TSHZ2: variants seen among roughly 807,000 people sequenced by gnomAD.
TSHZ2 encodes the protein teashirt homolog 2.
Under a neutral mutation model 74.4 loss-of-function variants are expected in TSHZ2, and 21 were observed. The observed-to-expected ratio is 0.28, with a 90% CI of 0.20 to 0.41. The LOEUF is 0.41. Ranked by LOEUF, TSHZ2 falls within the 10% of genes least tolerant of loss-of-function variation. The pLI is 1.00. For missense variants in TSHZ2, 1,244 were observed against 1,293.5 expected (o/e 0.96, Z 0.59); for synonymous variants, 540 against 515.3 (o/e 1.05, Z -0.65).
chr20:53,415,145 C>G (rs936946816), intron 2 of TSHZ2, among the ~76,000 whole-genome samples: 1 of 152,174 alleles, frequency 6.6e-6, no homozygotes, highest in Non-Finnish European at 1.5e-5. Flanking sequence ...TATCTTTCCC[C>G]TCTCTCTTTC....
intron 2 of TSHZ2, among the ~76,000 whole-genome samples, chr20:53,484,032 A>G (rs1451916156): frequency 2.0e-5 from 3 of 152,218 alleles, no homozygotes; most frequent in Middle Eastern, 3.2e-3. Flanking sequence ...GTGTAATGCC[A>G]TTGCAGTTTC....
intron 1 of TSHZ2, among the ~76,000 whole-genome samples, chr20:53,001,698 C>A (rs2122964293): frequency 6.6e-6 from 1 of 152,288 alleles, no homozygotes; most frequent in African/African-American, 2.4e-5. Flanking sequence ...TCTTCTGTTT[C>A]ATTTTGAAAG....
intron 1 of TSHZ2, among the ~76,000 whole-genome samples, chr20:53,108,041 T>TC (rs1986429615): frequency 6.6e-6 from 1 of 152,212 alleles, no homozygotes; most frequent in Admixed American, 6.5e-5. Flanking sequence ...TAATCTCTCT[T>TC]CCCCATGGGG....
At chr20:53,461,526 G>C (rs576152600) in intron 2 of TSHZ2, 1 of 153,684 alleles carries the variant, frequency 6.5e-6, no homozygotes, top group African/African-American at 2.4e-5. Flanking sequence ...GGGAGCTGTA[G>C]ACCGGAGCTG....
intron 2 of TSHZ2, among the ~76,000 whole-genome samples, chr20:53,446,648 T>G (rs1399146632): frequency 3.3e-5 from 5 of 152,070 alleles, no homozygotes; most frequent in Non-Finnish European, 7.4e-5. Context: ...ACTTCCTCCT[T>G]TTTTACACCT....
intron 2 of TSHZ2, among the ~76,000 whole-genome samples, chr20:53,434,951 A>C (rs920035567): frequency 6.6e-6 from 1 of 152,226 alleles, no homozygotes; most frequent in Non-Finnish European, 1.5e-5. Context: ...AATTCTTCCG[A>C]GCCAGAAAAG....
chr20:53,108,724 G>A (rs1421714951), intron 1 of TSHZ2, among the ~76,000 whole-genome samples: 1 of 152,062 alleles, frequency 6.6e-6, no homozygotes, highest in Non-Finnish European at 1.5e-5. Flanking sequence ...CAATATCCAA[G>A]ACCTGTTTTA....
At chr20:53,173,554 G>C (rs1033460195) in intron 1 of TSHZ2, among the ~76,000 whole-genome samples, 1 of 152,188 alleles carries the variant, frequency 6.6e-6, no homozygotes, top group Non-Finnish European at 1.5e-5. Context: ...GTTGCAGTGA[G>C]CCGACGTAGC....
intron 2 of TSHZ2, among the ~76,000 whole-genome samples, chr20:53,440,970 TAACAAATAC>T (rs536120536): frequency 9.9e-4 from 151 of 152,326 alleles, no homozygotes; most frequent in African/African-American, 3.3e-3. Flanking sequence ...TGTCACAGAC[TAACAAATAC>T]AACAAATACA....
chr20:53,082,078 A>G (rs1199645079), intron 1 of TSHZ2, among the ~76,000 whole-genome samples: 1 of 152,112 alleles, frequency 6.6e-6, no homozygotes, highest in African/African-American at 2.4e-5. Flanking sequence ...CCTTCTCTTA[A>G]CAGACACTTC....
intron 1 of TSHZ2, among the ~76,000 whole-genome samples, chr20:53,146,771 C>A (rs1179715526): frequency 6.6e-6 from 1 of 152,046 alleles, no homozygotes; most frequent in African/African-American, 2.4e-5. Context: ...TTAAGGTGAC[C>A]AAGATAGAAA....
chr20:53,480,156 C>T (rs530621949), intron 2 of TSHZ2, among the ~76,000 whole-genome samples: 2 of 151,590 alleles, frequency 1.3e-5, no homozygotes, highest in South Asian at 2.1e-4. Context: ...GCAACCTCCA[C>T]CTGCTGGGTT....
chr20:53,322,381 C>T (rs1979305076), intron 2 of TSHZ2, among the ~76,000 whole-genome samples: 1 of 152,098 alleles, frequency 6.6e-6, no homozygotes, highest in Non-Finnish European at 1.5e-5. Flanking sequence ...GGCGTGGTGG[C>T]AGGCGCCTGT....
chr20:53,338,126 T>C (rs1980030841), intron 2 of TSHZ2, among the ~76,000 whole-genome samples: 1 of 152,250 alleles, frequency 6.6e-6, no homozygotes, highest in South Asian at 2.1e-4. Context: ...TGCAAGGTGC[T>C]GGCCTGTCGC....
intron 1 of TSHZ2, among the ~76,000 whole-genome samples, chr20:53,114,947 G>A (rs1413105957): frequency 6.6e-6 from 1 of 152,170 alleles, no homozygotes; most frequent in Non-Finnish European, 1.5e-5. Context: ...AAAAACTTGG[G>A]TTGGGTATCA....
intron 1 of TSHZ2, among the ~76,000 whole-genome samples, chr20:53,039,046 C>T (rs1983941072): frequency 1.3e-5 from 2 of 151,748 alleles, no homozygotes; most frequent in East Asian, 1.9e-4. Flanking sequence ...ACAGTCATGC[C>T]CGGCTAATTT....
intron 2 of TSHZ2, among the ~76,000 whole-genome samples, chr20:53,269,622 A>G (rs1990791125): frequency 1.3e-5 from 2 of 152,180 alleles, no homozygotes; most frequent in Admixed American, 1.3e-4. Flanking sequence ...TGATGAGGAT[A>G]TGATGATGAT....
chr20:53,252,646 G>A (rs556353856), intron 1 of TSHZ2, among the ~76,000 whole-genome samples: 1 of 152,268 alleles, frequency 6.6e-6, no homozygotes, highest in Admixed American at 6.5e-5. Context: ...ATAGCATTTT[G>A]CATCTACAAA....
intron 1 of TSHZ2, among the ~76,000 whole-genome samples, chr20:52,975,574 C>G (rs993606539): frequency 6.6e-6 from 1 of 151,450 alleles, no homozygotes; most frequent in African/African-American, 2.4e-5. Context: ...AGTTTTCTGG[C>G]CTATTATATT....
Sources: gnomAD v4.1 joint callset for allele counts (sites outside exome capture counted in the v4.1 genomes callset) on GRCh38, gnomAD v4.1.1 for gene constraint, MANE v1.5 for transcripts, NCBI Gene and HGNC (gene_info 2026-07-23, HGNC 2026-07-21) for gene names.